The following PCDHA7 variants were observed in gnomAD, a reference collection of about 807,000 sequenced individuals.
PCDHA7 encodes protocadherin alpha-7.
In PCDHA7, 37 loss-of-function variants were observed where a neutral mutation model predicts 57.2. The observed-to-expected ratio is 0.65, with a 90% CI of 0.50 to 0.85. The LOEUF is 0.85. PCDHA7 is among the 40% of genes least tolerant of loss of function. The probability of loss-of-function intolerance (pLI) is 0.00; values close to 1 mark genes in which losing one functional copy is unlikely to be tolerated. For missense variants in PCDHA7, 1,188 were observed against 1,241.8 expected (o/e 0.96, Z 0.65); for synonymous variants, 553 against 558.8 (o/e 0.99, Z 0.15).
chr5:140,876,138 A>G (rs781923596), intron 1 of PCDHA7: 1 of 1,613,952 alleles, frequency 6.2e-7, no homozygotes. Context: ...AACCAGAACT[A>G]ACAGGGTCTG....
intron 1 of PCDHA7, chr5:140,866,423 G>A (rs2049350651): frequency 6.6e-6 from 1 of 151,088 alleles, no homozygotes; most frequent in South Asian, 2.1e-4. Flanking sequence ...ATGTGTGTAG[G>A]TCTTTCAGTC....
At position 140,848,191 on chromosome 5, in the gene PCDHA7, G is replaced by A. The variant is rs1210714904; in HGVS notation, c.2355+11453G>A. On this transcript the variant is annotated intron_variant, in intron 1 of 3. Transcript: ENST00000525929. ...TCCAGCAAGAGAAACGGGATCTTCTGTTTCAACAATCATTACTTAAGAAAA... is the reference window on the plus strand; with the variant it reads ...TCCAGCAAGAGAAACGGGATCTTCTATTTCAACAATCATTACTTAAGAAAA... 1.3e-5 allele frequency: 4 copies of A among 297,926 alleles called. No homozygotes were observed. The East Asian group carries it at 2.5e-4, about 18-fold the overall frequency. The allele number at this position is 297,926 out of a possible 1,614,324, so 18.5% of individuals were successfully genotyped here.
At chr5:140,972,275 G>A (rs548735122) in intron 1 of PCDHA7, among the ~76,000 whole-genome samples, 1 of 150,974 alleles carries the variant, frequency 6.6e-6, no homozygotes, top group African/African-American at 2.4e-5. Flanking sequence ...GAGTAGCTTG[G>A]ACCATAGATG....
chr5:140,899,485 G>T (rs2067355642), intron 1 of PCDHA7, among the ~76,000 whole-genome samples: 2 of 152,140 alleles, frequency 1.3e-5, no homozygotes, highest in African/African-American at 4.8e-5. Flanking sequence ...TTATATGCTG[G>T]ATTACATTTA....
At chr5:140,898,965 G>A (rs2067069000) in intron 1 of PCDHA7, among the ~76,000 whole-genome samples, 1 of 152,044 alleles carries the variant, frequency 6.6e-6, no homozygotes, top group Non-Finnish European at 1.5e-5. Flanking sequence ...GTGAATGGGA[G>A]TTCACTCATG....
chr5:140,849,804 G>A, intron 1 of PCDHA7: 2 of 1,598,448 alleles, frequency 1.3e-6, no homozygotes, highest in South Asian at 1.1e-5. Flanking sequence ...TTCACTGTGG[G>A]CCACGGCCAG....
Position 140,848,448 on chromosome 5 carries a change from T to G in PCDHA7, c.2355+11710T>G, listed in dbSNP as rs2150410519. 45 of 1,511,666 alleles carry G rather than the reference T, an allele frequency of 3.0e-5. 2 individuals carry two copies. The highest frequency in any genetic ancestry group is 3.9e-5 in the Non-Finnish European group (43 of 1,111,010). 93.6% of individuals were successfully genotyped at this position (1,511,666 alleles called of 1,614,324 possible). The stretch of plus-strand genomic sequence containing the variant: ...ACTGACGAAATCAGATGATTTCTTC[T>G]AATTTGGAGGCAATTTTCACTAATT... On this transcript the variant is annotated intron_variant, in intron 1 of 3. Transcript: ENST00000525929.
Position 140,982,566 on chromosome 5 carries a change from A to G in PCDHA7, c.2503+3A>G, listed in dbSNP as rs372784858. On this transcript the variant is annotated splice_donor_region_variant and intron_variant, in intron 3 of 3. Transcript: ENST00000525929. ...AACAGTATCCAGTGCAACACCAGGT[A>G]AAGAGCTGGGGTCTCTCCATTCTTT... 8 of 1,613,970 alleles carry G rather than the reference A, an allele frequency of 5.0e-6. No individual in the cohort carries two copies. The highest frequency in any genetic ancestry group is 6.8e-6 in the Non-Finnish European group (8 of 1,179,958).
chr5:140,975,201 A>G (rs1253516142), intron 1 of PCDHA7, among the ~76,000 whole-genome samples: 1 of 152,144 alleles, frequency 6.6e-6, no homozygotes, highest in Non-Finnish European at 1.5e-5. Context: ...CTCCATCTTC[A>G]TGGCTGGCAC....
intron 1 of PCDHA7, chr5:140,869,196 C>G (rs2050913789): frequency 6.2e-7 from 1 of 1,614,030 alleles, no homozygotes; most frequent in Non-Finnish European, 8.5e-7. Flanking sequence ...GCGGCCAGCT[C>G]CACTACTCCG....
chr5:140,835,296 A>G lies in PCDHA7; in HGVS notation c.913A>G (p.Ile305Val), dbSNP rs2150233406. The change falls in exon 1 of 4, where the codon ATA becomes GTA. Residue 305 changes from isoleucine (I) to valine (V), a missense_variant. By Grantham distance (29) the Ile-to-Val change is conservative. Coordinates refer to ENST00000525929, the MANE Select transcript of PCDHA7 (RefSeq NM_018910.3). ...CCCCTTAAGTGGGGCAATCACAGTG[A>G]TAGGACATATGGATTTTGAAGAAAG... is the stretch of plus-strand genomic sequence containing the variant. Reference protein sequence around the residue: ...MDPLSGAITVIGHMDFEESRA... With the variant: ...MDPLSGAITVVGHMDFEESRA... 2 of 1,612,776 alleles carry G rather than the reference A, an allele frequency of 1.2e-6. No homozygotes were observed. The highest frequency in any genetic ancestry group is 8.5e-7 in the Non-Finnish European group (1 of 1,179,538).
chr5:140,870,905 G>T (rs2052526417), intron 1 of PCDHA7: 1 of 1,613,958 alleles, frequency 6.2e-7, no homozygotes, highest in Non-Finnish European at 8.5e-7. Context: ...GCGGACTCAG[G>T]CTACAACGCG....
rs111598234 is a variant in PCDHA7 at position 140,834,300 on chromosome 5, C to T, written c.-84C>T. On this transcript the variant is annotated 5_prime_UTR_variant, in exon 1 of 4. The change creates a premature stop within an existing upstream ORF in the 5' untranslated region. Coordinates refer to ENST00000525929, the MANE Select transcript of PCDHA7 (RefSeq NM_018910.3). ...TGGATGCACAACAATGGCCACACATCGAGATTGAAATGAAGGGATAAAAAC... is the reference window on the plus strand; with the variant it reads ...TGGATGCACAACAATGGCCACACATTGAGATTGAAATGAAGGGATAAAAAC... 1 of 1,283,798 alleles carries T rather than the reference C, an allele frequency of 7.8e-7. No individual in the cohort carries two copies. Among genetic ancestry groups the T allele is most frequent in the Non-Finnish European group, 1.1e-6 (1 of 920,816 alleles). The allele number at this position is 1,283,798 out of a possible 1,614,324, so 79.5% of individuals were successfully genotyped here. A position where few individuals can be genotyped will look rare whatever the true frequency, so the allele number is the denominator to read the frequency against.
In PCDHA7 at chr5:141,010,257, G is replaced by T; in HGVS notation, c.*320G>T. On this transcript the variant is annotated 3_prime_UTR_variant, in exon 4 of 4. Coordinates refer to ENST00000525929, the MANE Select transcript of PCDHA7 (RefSeq NM_018910.3). ...AGTGAGAGGTTGGACTCTCTGCCCT[G>T]TGCTCCGGGGATCCTGTCTTGATGA... 6.4e-7 allele frequency: 1 copy of T among 1,551,794 alleles called. No homozygotes were observed. The highest frequency in any genetic ancestry group is 8.7e-7 in the Non-Finnish European group (1 of 1,147,016).
In PCDHA7 at chr5:140,903,129, A is replaced by C. The variant is rs184256724; in HGVS notation, c.2355+66391A>C. On this transcript the variant is annotated intron_variant, in intron 1 of 3. Coordinates refer to ENST00000525929, the MANE Select transcript of PCDHA7 (RefSeq NM_018910.3). ...TAGCTCTACTTCTAAATCTTTAAGA[A>C]ATCTCCAAACTGTTTTCCATAGTGG... Among the ~76,000 whole-genome samples the C allele has an allele frequency of 2.8e-3, 421 of 152,322 alleles. 2 individuals carry two copies. Among genetic ancestry groups the C allele is most frequent in the Middle Eastern group, 0.014 (4 of 294 alleles).
chr5:140,836,466 G>A lies in PCDHA7; in HGVS notation c.2083G>A (p.Asp695Asn), dbSNP rs1554135989. 1 of 1,613,862 alleles carries A rather than the reference G, an allele frequency of 6.2e-7. No homozygotes were observed. The highest frequency in any genetic ancestry group is 8.5e-7 in the Non-Finnish European group (1 of 1,179,872). Residue 695 changes from aspartate (D) to asparagine (N), a missense_variant, in exon 1 of 4, where the codon GAT (aspartate) becomes AAT (asparagine). Around this residue, in one of 3 missense-constraint regions of PCDHA7, gnomAD observed 892 missense variants for 788.5 expected, o/e 1.13. Transcript: ENST00000525929. ...GIAGPETELV[D>N]VNVYLIIAIC... ...TGCAGGCCCAGAGACCGAGCTGGTGGATGTCAACGTGTACCTGATCATCGC... is the reference window on the plus strand; with the variant it reads ...TGCAGGCCCAGAGACCGAGCTGGTGAATGTCAACGTGTACCTGATCATCGC...
chr5:140,960,134 A>G (rs1480555997), intron 1 of PCDHA7, among the ~76,000 whole-genome samples: 10 of 152,232 alleles, frequency 6.6e-5, no homozygotes, highest in African/African-American at 2.2e-4. Context: ...TGAAATACTT[A>G]GATATTAATA....
chr5:140,977,514 A>G (rs1554238605), intron 1 of PCDHA7, among the ~76,000 whole-genome samples: 13 of 152,216 alleles, frequency 8.5e-5, no homozygotes. Context: ...CATTTTGTGA[A>G]CTTGAAAACA....
chr5:140,877,018 A>G, intron 1 of PCDHA7: 1 of 1,612,420 alleles, frequency 6.2e-7, no homozygotes, highest in Non-Finnish European at 8.5e-7. Flanking sequence ...GGAGAGCGGC[A>G]AGGTGTACGC....
Sources: allele counts gnomAD v4.1 joint callset (sites outside exome capture counted in the v4.1 genomes callset), GRCh38; gene constraint gnomAD v4.1.1; regional missense constraint gnomAD v4.1.1; transcripts MANE v1.5; gene names NCBI Gene and HGNC (gene_info 2026-07-23, HGNC 2026-07-21).